MSH3: variants seen among roughly 807,000 people sequenced by gnomAD.
The protein encoded by MSH3 is DNA mismatch repair protein Msh3.
In MSH3, 106 loss-of-function variants were observed where a neutral mutation model predicts 123.3. The ratio of observed to expected loss-of-function variants is 0.86; its 90% CI spans 0.73 to 1.01. MSH3 has a LOEUF of 1.01. MSH3 is among the 50% of genes least tolerant of loss of function. MSH3 has a pLI of 0.00. For missense variants in MSH3, 1,459 were observed against 1,347.6 expected (o/e 1.08, Z -1.29); for synonymous variants, 515 against 481.4 (o/e 1.07, Z -0.91).
At chr5:80,817,655 G>C (rs1444664466) in intron 20 of MSH3, among the ~76,000 whole-genome samples, 1 of 151,994 alleles carries the variant, frequency 6.6e-6, no homozygotes, top group Non-Finnish European at 1.5e-5. Flanking sequence ...TCACATGGAG[G>C]TTGAAAACTG....
intron 20 of MSH3, among the ~76,000 whole-genome samples, chr5:80,818,285 G>C (rs776647655): frequency 6.7e-6 from 1 of 149,430 alleles, no homozygotes; most frequent in Non-Finnish European, 1.5e-5. Context: ...GAGAAAAAGA[G>C]AATAGAGGAA....
At chr5:80,794,719 G>A (rs1385330793) in intron 19 of MSH3, among the ~76,000 whole-genome samples, 1 of 152,168 alleles carries the variant, frequency 6.6e-6, no homozygotes, top group Non-Finnish European at 1.5e-5. Flanking sequence ...TTGTCCATGT[G>A]AATGTTGAAA....
chr5:80,872,627 A>C (rs930768045), intron 22 of MSH3, among the ~76,000 whole-genome samples: 3 of 152,160 alleles, frequency 2.0e-5, no homozygotes, highest in Non-Finnish European at 4.4e-5. Context: ...GCAACATAGC[A>C]AGACCTGATC....
intron 8 of MSH3, among the ~76,000 whole-genome samples, chr5:80,690,440 T>G (rs1750202947): frequency 6.6e-6 from 1 of 152,140 alleles, no homozygotes; most frequent in Non-Finnish European, 1.5e-5. Flanking sequence ...CCCCAGTAGC[T>G]GGGATTACAG....
chr5:80,853,546 T>G (rs1293858719), intron 20 of MSH3, among the ~76,000 whole-genome samples: 1 of 152,006 alleles, frequency 6.6e-6, no homozygotes, highest in African/African-American at 2.4e-5. Context: ...GAAATTTAAA[T>G]CTTTTGGATC....
At chr5:80,673,917 A>C (rs757724686) in intron 6 of MSH3, among the ~76,000 whole-genome samples, 8 of 152,230 alleles carry the variant, frequency 5.3e-5, no homozygotes, top group African/African-American at 7.2e-5. Flanking sequence ...GAATGGAGAG[A>C]TAAGAAGGCC....
At chr5:80,657,148 C>T (rs1749312612) in intron 2 of MSH3, among the ~76,000 whole-genome samples, 1 of 152,054 alleles carries the variant, frequency 6.6e-6, no homozygotes, top group African/African-American at 2.4e-5. Context: ...TGAATAAAAA[C>T]AGCATGCCTA....
chr5:80,768,912 G>T lies in MSH3; in HGVS notation c.2162G>T (p.Gly721Val), dbSNP rs761901103. The T allele has an allele frequency of 6.2e-7, 1 of 1,612,256 alleles. No homozygotes were observed. Among genetic ancestry groups the T allele is most frequent in the African/African-American group, 1.3e-5 (1 of 74,940 alleles). The change falls in exon 15 of 24, where the codon GGT becomes GTT. Residue 721 changes from glycine (G) to valine (V), a missense_variant. Gly to Val is a moderately radical substitution (Grantham distance 109). Transcript: ENST00000265081. ...AAAAAGAGGAAGGATGAAATTCAAG[G>T]TGTTATTGACGAGATCCGAATGCAT... ...LIKKRKDEIQGVIDEIRMHLQ... is the reference protein window; with the variant it reads ...LIKKRKDEIQVVIDEIRMHLQ...
At chr5:80,718,714 T>C (rs1220641341) in intron 8 of MSH3, among the ~76,000 whole-genome samples, 1 of 152,026 alleles carries the variant, frequency 6.6e-6, no homozygotes, top group Non-Finnish European at 1.5e-5. Context: ...GGGAGGCATA[T>C]AATTATCTCT....
intron 13 of MSH3, among the ~76,000 whole-genome samples, chr5:80,766,524 T>C (rs2112883409): frequency 6.6e-6 from 1 of 152,146 alleles, no homozygotes; most frequent in Middle Eastern, 3.4e-3. Flanking sequence ...TTTGTATTTT[T>C]AGTAGAGATG....
intron 20 of MSH3, among the ~76,000 whole-genome samples, chr5:80,838,337 A>T (rs1216639007): frequency 6.6e-6 from 1 of 152,138 alleles, no homozygotes; most frequent in Non-Finnish European, 1.5e-5. Flanking sequence ...GCCAGGTTTG[A>T]ATCCTGACTC....
intron 3 of MSH3, among the ~76,000 whole-genome samples, chr5:80,666,661 T>C (rs2079104472): frequency 6.6e-6 from 1 of 152,206 alleles, no homozygotes; most frequent in Non-Finnish European, 1.5e-5. Context: ...CAACTTGGCA[T>C]GTCCACATCA....
At chr5:80,836,140 T>C (rs568391779) in intron 20 of MSH3, among the ~76,000 whole-genome samples, 2 of 152,338 alleles carry the variant, frequency 1.3e-5, no homozygotes, top group African/African-American at 4.8e-5. Context: ...GTAATCTATA[T>C]GGAAGCACAA....
chr5:80,742,747 C>T (rs1490530897), intron 11 of MSH3, among the ~76,000 whole-genome samples: 2 of 152,118 alleles, frequency 1.3e-5, no homozygotes, highest in African/African-American at 4.8e-5. Flanking sequence ...GCCGGTCTGT[C>T]TCGTCAACTC....
chr5:80,661,760 G>A (rs1160395208), intron 2 of MSH3, among the ~76,000 whole-genome samples: 3 of 152,142 alleles, frequency 2.0e-5, no homozygotes, highest in Admixed American at 2.0e-4. Flanking sequence ...TTGAATCTGT[G>A]TTGTCTCCTG....
chr5:80,666,706 G>A (rs563684056), intron 3 of MSH3, among the ~76,000 whole-genome samples: 27 of 152,310 alleles, frequency 1.8e-4, no homozygotes, highest in African/African-American at 4.3e-4. Flanking sequence ...GAGGGGGCAC[G>A]TAGAAGCAGT....
chr5:80,735,241 G>A (rs976620444), intron 10 of MSH3, among the ~76,000 whole-genome samples: 1 of 151,928 alleles, frequency 6.6e-6, no homozygotes, highest in African/African-American at 2.4e-5. Context: ...AAAATTAGCC[G>A]GGCATGGTGG....
intron 15 of MSH3, among the ~76,000 whole-genome samples, chr5:80,771,071 TCTC>T (rs1744206336): frequency 6.6e-6 from 1 of 152,210 alleles, no homozygotes; most frequent in African/African-American, 2.4e-5. Flanking sequence ...TTAATAATCT[TCTC>T]TAGGATTTTA....
At chr5:80,686,304 T>C (rs1164074645) in intron 8 of MSH3, among the ~76,000 whole-genome samples, 12 of 152,140 alleles carry the variant, frequency 7.9e-5, no homozygotes, top group Non-Finnish European at 5.9e-5. Context: ...GCTATTTTTT[T>C]TCTCTCTCTT....
Sources: allele counts gnomAD v4.1 joint callset (sites outside exome capture counted in the v4.1 genomes callset), GRCh38; gene constraint gnomAD v4.1.1; transcripts MANE v1.5; gene names NCBI Gene and HGNC (gene_info 2026-07-23, HGNC 2026-07-21).